The following RIMS2 variants were observed in gnomAD, a reference collection of about 807,000 sequenced individuals.
RIMS2 encodes regulating synaptic membrane exocytosis protein 2.
A neutral mutation model predicts 174.4 loss-of-function variants in RIMS2; 59 were observed. The ratio of observed to expected loss-of-function variants is 0.34; its 90% CI spans 0.27 to 0.42. RIMS2 has a LOEUF of 0.42. Ranked by LOEUF, RIMS2 falls within the 10% of genes least tolerant of loss-of-function variation. RIMS2 has a pLI of 1.00. For missense variants in RIMS2, 1,620 were observed against 1,666.3 expected (o/e 0.97, Z 0.48); for synonymous variants, 606 against 572.5 (o/e 1.06, Z -0.84).
intron 1 of RIMS2, among the ~76,000 whole-genome samples, chr8:103,626,598 A>C (rs1293738783): frequency 1.3e-5 from 2 of 152,240 alleles, no homozygotes; most frequent in Admixed American, 6.5e-5. Flanking sequence ...TATTGATCTA[A>C]TACCATAAAA....
chr8:103,918,408 TTC>T (rs762563907), intron 8 of RIMS2, 31 bp from the exon 12 acceptor site: 25 of 1,418,184 alleles, frequency 1.8e-5, no homozygotes, highest in Non-Finnish European at 2.4e-5. Flanking sequence ...TTGAAACAGT[TTC>T]TGTCTTTCTT....
intron 4 of RIMS2, among the ~76,000 whole-genome samples, chr8:103,889,733 T>C (rs549554558): frequency 3.8e-4 from 58 of 152,032 alleles, no homozygotes; most frequent in African/African-American, 1.3e-3. Flanking sequence ...GCTCGTCTCT[T>C]ACTTGTCACT....
At chr8:103,629,937 A>G (rs1381124965) in intron 1 of RIMS2, among the ~76,000 whole-genome samples, 2 of 152,100 alleles carry the variant, frequency 1.3e-5, no homozygotes, top group African/African-American at 2.4e-5. Context: ...GGGGAGTAAA[A>G]TACCTAACAT....
At chr8:103,648,180 G>C (rs1197386907) in intron 1 of RIMS2, among the ~76,000 whole-genome samples, 1 of 151,980 alleles carries the variant, frequency 6.6e-6, no homozygotes, top group Non-Finnish European at 1.5e-5. Flanking sequence ...TATTTACACA[G>C]GAGTCATTCA....
intron 1 of RIMS2, among the ~76,000 whole-genome samples, chr8:103,591,391 G>C (rs1019097066): frequency 2.0e-5 from 3 of 150,782 alleles, no homozygotes; most frequent in African/African-American, 7.3e-5. Flanking sequence ...AATATCTTTT[G>C]ATGAAAGTTA....
At chr8:104,064,698 G>T (rs945671211) in intron 19 of RIMS2, among the ~76,000 whole-genome samples, 2 of 151,840 alleles carry the variant, frequency 1.3e-5, no homozygotes, top group African/African-American at 4.8e-5. Context: ...ATACAAAAAA[G>T]AATTTGAGAT....
At chr8:104,070,858 T>C (rs1338338520) in intron 19 of RIMS2, among the ~76,000 whole-genome samples, 3 of 151,830 alleles carry the variant, frequency 2.0e-5, no homozygotes, top group African/African-American at 7.3e-5. Flanking sequence ...AGAAGTAAAG[T>C]CTGTGAAAAA....
At chr8:103,880,802 A>G (rs1274629907) in intron 3 of RIMS2, 1 of 379,948 alleles carries the variant, frequency 2.6e-6, no homozygotes, top group Non-Finnish European at 4.7e-6. Flanking sequence ...GGAATTATAG[A>G]AACGGGCCTT....
chr8:103,756,390 GTT>G (rs60639460), intron 2 of RIMS2, among the ~76,000 whole-genome samples: 1 of 112,492 alleles, frequency 8.9e-6, no homozygotes, highest in African/African-American at 3.9e-5. Context: ...TGTTGTTTTT[GTT>G]TTTTTTTTTT....
At chr8:104,169,464 T>C (rs951443129) in intron 19 of RIMS2, among the ~76,000 whole-genome samples, 10 of 151,620 alleles carry the variant, frequency 6.6e-5, no homozygotes, top group African/African-American at 1.9e-4. Flanking sequence ...CTAGTTTGTG[T>C]GTGGAAAGGT....
intron 1 of RIMS2, among the ~76,000 whole-genome samples, chr8:103,560,497 G>A (rs769071022): frequency 5.6e-4 from 86 of 152,262 alleles, no homozygotes; most frequent in Admixed American, 1.0e-3. Flanking sequence ...AGAAGGGAGC[G>A]CACTCTGAAA....
At chr8:103,935,865 T>A (rs1225737666) in intron 12 of RIMS2, among the ~76,000 whole-genome samples, 2 of 152,218 alleles carry the variant, frequency 1.3e-5, no homozygotes, top group Admixed American at 6.5e-5. Flanking sequence ...TATAACAGTA[T>A]GGTAACACAT....
chr8:104,252,830 CCTT>C (rs2099362300), downstream of RIMS2: 1 of 152,130 alleles, frequency 6.6e-6, no homozygotes, highest in South Asian at 2.1e-4. Context: ...ACATCTTTCT[CCTT>C]CTCTCACTTT....
At chr8:104,054,835 C>T (rs184776266) in intron 19 of RIMS2, among the ~76,000 whole-genome samples, 1 of 152,152 alleles carries the variant, frequency 6.6e-6, no homozygotes, top group East Asian at 1.9e-4. Flanking sequence ...TCTTATCTGA[C>T]ATGTGTGTTG....
chr8:104,133,417 T>C (rs1252618991), intron 19 of RIMS2, among the ~76,000 whole-genome samples: 2 of 152,142 alleles, frequency 1.3e-5, no homozygotes, highest in Admixed American at 6.6e-5. Context: ...CTTTTTGTTA[T>C]AGGCACAAGA....
chr8:103,988,983 A>G (rs916998937), intron 16 of RIMS2, among the ~76,000 whole-genome samples: 3 of 152,168 alleles, frequency 2.0e-5, no homozygotes, highest in Admixed American at 2.0e-4. Flanking sequence ...TCTTGAGTAT[A>G]TTATTGAGTA....
At chr8:103,942,914 C>A (rs746895436) in exon 14 of RIMS2, 1 of 1,605,128 alleles carries the variant, frequency 6.2e-7, no homozygotes, top group Admixed American at 1.7e-5. Context: ...GAGCCCAACA[C>A]GGAGGTTGCA....
chr8:103,598,897 G>A (rs1184658698), intron 1 of RIMS2, among the ~76,000 whole-genome samples: 1 of 151,676 alleles, frequency 6.6e-6, no homozygotes, highest in Non-Finnish European at 1.5e-5. Flanking sequence ...AAGATAGATA[G>A]GATCTTTATT....
chr8:104,247,285 G>A (rs901685098), intron 20 of RIMS2, among the ~76,000 whole-genome samples: 5 of 152,200 alleles, frequency 3.3e-5, no homozygotes, highest in African/African-American at 9.7e-5. Flanking sequence ...CAGTAGGCTA[G>A]AAGTCCAAGA....
Sources: gnomAD v4.1 joint callset for allele counts (sites outside exome capture counted in the v4.1 genomes callset) on GRCh38, gnomAD v4.1.1 for gene constraint, MANE v1.5 for transcripts, NCBI Gene and HGNC (gene_info 2026-07-23, HGNC 2026-07-21) for gene names.